Variants in SYT2 observed in about 807,000 individuals in gnomAD.
SYT2 encodes the protein synaptotagmin-2.
SYT2 carries 15 observed loss-of-function variants against 39.9 expected under a neutral mutation model. That is an observed-to-expected ratio of 0.38 (90% CI 0.25 to 0.58). The LOEUF is 0.58. Among genes scored for constraint, SYT2 ranks in the 20% least tolerant of loss-of-function variants. The pLI is 0.70. For synonymous variants in SYT2, 181 were observed against 204.5 expected (o/e 0.89, Z 0.98); for missense variants, 389 against 530.3 (o/e 0.73, Z 2.62).
chr1:202,703,776 CT>C (rs1285171287), intron 1 of SYT2, among the ~76,000 whole-genome samples: 1 of 152,206 alleles, frequency 6.6e-6, no homozygotes, highest in Non-Finnish European at 1.5e-5. Context: ...CTCCCATCCC[CT>C]CCTTCCTTCA....
At chr1:202,602,247 G>A (rs1202639761) in intron 5 of SYT2, 131 bp downstream of exon 5, 4 of 1,242,528 alleles carry the variant, frequency 3.2e-6, no homozygotes, top group Non-Finnish European at 4.6e-6. Flanking sequence ...TAGAGGCCGG[G>A]GTAGCCCTGC....
intron 1 of SYT2, among the ~76,000 whole-genome samples, chr1:202,665,146 T>C (rs1692458218): frequency 6.6e-6 from 1 of 152,242 alleles, no homozygotes; most frequent in African/African-American, 2.4e-5. Context: ...TAAGAAACTC[T>C]GCTGCCTCCT....
At chr1:202,681,876 G>C (rs1653535315) in intron 1 of SYT2, among the ~76,000 whole-genome samples, 1 of 152,240 alleles carries the variant, frequency 6.6e-6, no homozygotes, top group Non-Finnish European at 1.5e-5. Context: ...AAGCAATGCT[G>C]CTTGCTTGAG....
chr1:202,661,266 A>G (rs111250521), intron 1 of SYT2, among the ~76,000 whole-genome samples: 2,534 of 151,932 alleles, frequency 0.017, 62 homozygotes, highest in African/African-American at 0.058. Context: ...CTCAGTTCCA[A>G]ATCCCAAGCT....
intron 3 of SYT2, 48 bp downstream of exon 3, chr1:202,604,407 G>A (rs758475629): frequency 1.3e-6 from 2 of 1,588,466 alleles, no homozygotes; most frequent in South Asian, 1.1e-5. Context: ...CATCAGGAAA[G>A]CCTGGGCTGA....
At chr1:202,624,025 C>G (rs1032165266) in intron 1 of SYT2, among the ~76,000 whole-genome samples, 1 of 152,186 alleles carries the variant, frequency 6.6e-6, no homozygotes, top group African/African-American at 2.4e-5. Flanking sequence ...CTAAATGTTA[C>G]AAGGTTTGAA....
chr1:202,646,525 A>G (rs1692085883), intron 1 of SYT2, among the ~76,000 whole-genome samples: 1 of 152,230 alleles, frequency 6.6e-6, no homozygotes, highest in Non-Finnish European at 1.5e-5. Flanking sequence ...GTAGGCACTC[A>G]GTAAACACCT....
intron 1 of SYT2, chr1:202,627,480 C>A: frequency 3.0e-6 from 3 of 985,426 alleles, no homozygotes; most frequent in Non-Finnish European, 3.6e-6. Flanking sequence ...CAGACCGTGA[C>A]ACCCAGGGCC....
chr1:202,669,721 G>A (rs1261379773), intron 1 of SYT2, among the ~76,000 whole-genome samples: 4 of 147,966 alleles, frequency 2.7e-5, no homozygotes, highest in Admixed American at 6.8e-5. Flanking sequence ...TCATACCACT[G>A]AACTCCGGCT....
chr1:202,694,532 ATAACT>A (rs1204114415), intron 1 of SYT2, among the ~76,000 whole-genome samples: 1 of 150,840 alleles, frequency 6.6e-6, no homozygotes, highest in African/African-American at 2.5e-5. Flanking sequence ...CTTGACTATC[ATAACT>A]TAAGTCTCCT....
Position 202,708,436 on chromosome 1 carries a change from C to G in SYT2, c.-18+1822G>C, listed in dbSNP as rs1233675373. On this transcript the variant is annotated intron_variant, in intron 1 of 8. Transcript: ENST00000367268. Reference sequence around the variant, plus strand: ...GAGGGGAGAAGGTAAGGATTAAGCCCAAAAGATCTCCAGAAAAAGCCAAGC... The same window carrying G: ...GAGGGGAGAAGGTAAGGATTAAGCCGAAAAGATCTCCAGAAAAAGCCAAGC... Among the ~76,000 whole-genome samples, 2 of 151,984 alleles carry G rather than the reference C, an allele frequency of 1.3e-5. 1 individual carries two copies. The highest frequency in any genetic ancestry group is 2.9e-5 in the Non-Finnish European group (2 of 67,988).
rs1287778790 is a variant in SYT2, at chr1:202,599,630, C to T, written c.920-279G>A. 1.3e-5 allele frequency among the ~76,000 whole-genome samples: 2 copies of T among 152,172 alleles called. No individual in the cohort carries two copies. Among genetic ancestry groups the T allele is most frequent in the East Asian group, 3.9e-4 (2 of 5,186 alleles). The stretch of plus-strand genomic sequence containing the variant: ...CCTTGTGAGAAAGAGTCTGGGGATT[C>T]ATCTGTGATCCTGTACTGGGGAGTG... On this transcript the variant is annotated intron_variant, in intron 7 of 8. Coordinates refer to ENST00000367268, the MANE Select transcript of SYT2 (RefSeq NM_177402.5). This position sits in a 1 kb window ranked among gnomAD's most constrained non-coding sequence, Gnocchi z 4.4.
At chr1:202,629,651 G>A (rs768033904) in intron 1 of SYT2, among the ~76,000 whole-genome samples, 8 of 152,060 alleles carry the variant, frequency 5.3e-5, no homozygotes, top group African/African-American at 9.7e-5. Context: ...CTGTAATCCC[G>A]GCACTTTGGG....
At chr1:202,654,780 A>G (rs543137522) in intron 1 of SYT2, among the ~76,000 whole-genome samples, 1 of 152,284 alleles carries the variant, frequency 6.6e-6, no homozygotes, top group Admixed American at 6.5e-5. Context: ...CCTTGAACTG[A>G]GGCTTGAAGG....
At chr1:202,632,017 G>T in intron 1 of SYT2, 1 of 985,288 alleles carries the variant, frequency 1.0e-6, no homozygotes, top group Non-Finnish European at 1.2e-6. Flanking sequence ...ATTATGTGAG[G>T]ACCACAAGAG....
chr1:202,641,450 C>T (rs1350539500), intron 1 of SYT2, among the ~76,000 whole-genome samples: 1 of 152,186 alleles, frequency 6.6e-6, no homozygotes, highest in East Asian at 1.9e-4. Context: ...GGGCCTTGCC[C>T]AAGGTCACAC....
In SYT2 at chr1:202,602,464, G is replaced by A. The variant is rs1256955099; in HGVS notation, c.547C>T (p.Leu183Phe). 1 of 1,614,122 alleles carries A rather than the reference G, an allele frequency of 6.2e-7. No individual in the cohort carries two copies. Residue 183 changes from leucine (L) to phenylalanine (F), a missense_variant, in exon 5 of 9, where the codon CTC (leucine) becomes TTC (phenylalanine). This residue lies in a region of SYT2 where 280 missense variants were observed against 335.6 expected (regional missense o/e 0.83). Transcript: ENST00000367268. ...TATTTCTTCTTCTTGTCAGGAAGGA[G>A]GAAGACCTTGACATAAGGGTCTGAG... ...GTSDPYVKVF[L>F]LPDKKKKYET... is the part of the protein sequence containing the mutation.
At chr1:202,674,533 G>A (rs997170736) in intron 1 of SYT2, among the ~76,000 whole-genome samples, 8 of 152,200 alleles carry the variant, frequency 5.3e-5, no homozygotes, top group African/African-American at 1.7e-4. Flanking sequence ...ATAGAAATAT[G>A]AGCTTTGATA....
chr1:202,650,315 C>T (rs570400887), intron 1 of SYT2, among the ~76,000 whole-genome samples: 8 of 152,298 alleles, frequency 5.3e-5, no homozygotes, highest in East Asian at 1.9e-4. Context: ...TGTGCTTGCA[C>T]GCAGTGACAC....
Sources: allele counts gnomAD v4.1 joint callset (sites outside exome capture counted in the v4.1 genomes callset), GRCh38; gene constraint gnomAD v4.1.1; regional missense constraint gnomAD v4.1.1; non-coding constraint Gnocchi (gnomAD v3.1); transcripts MANE v1.5; gene names NCBI Gene and HGNC (gene_info 2026-07-23, HGNC 2026-07-21).